Variants in NR5A2 observed in about 807,000 individuals in gnomAD.
NR5A2 encodes nuclear receptor subfamily 5 group A member 2.
In NR5A2, 26 loss-of-function variants were observed where a neutral mutation model predicts 62.7. The ratio of observed to expected loss-of-function variants is 0.41; its 90% confidence interval spans 0.30 to 0.58. The LOEUF is 0.58. Among genes scored for constraint, NR5A2 ranks in the 20% least tolerant of loss-of-function variants. The pLI is 0.22. For missense variants in NR5A2, 541 were observed against 669.1 expected, an observed-to-expected ratio of 0.81 and a Z score of 2.11; for synonymous variants, 246 against 241.7, an observed-to-expected ratio of 1.02 and a Z score of -0.16.
At chr1:200,106,064 C>CT (rs11411913) in intron 5 of NR5A2, among the ~76,000 whole-genome samples, 56,756 of 147,484 alleles carry the variant, frequency 0.38, 11,265 homozygotes, top group Admixed American at 0.44. Flanking sequence ...ATTCACTCTT[C>CT]TTTTTTTTTT....
At position 200,048,868 on chromosome 1, in the gene NR5A2, A is replaced by G; in HGVS notation, c.1110+50A>G. The G allele has an allele frequency of 6.3e-7, 1 of 1,582,068 alleles. No individual in the cohort carries two copies. The stretch of plus-strand genomic sequence containing the variant: ...ACAGCACCCCTTTTAAGAGAGACCT[A>G]ACTATGTTCCTAATTAATACATTCT... On this transcript the variant is annotated intron_variant, in intron 5 of 7. Coordinates refer to ENST00000367362, the MANE Select transcript of NR5A2 (RefSeq NM_205860.3). The surrounding 1 kb of genome is among the most constrained non-coding windows in gnomAD (Gnocchi z 4.8).
At chr1:200,078,031 G>T (rs146770772) in intron 5 of NR5A2, among the ~76,000 whole-genome samples, 268 of 152,316 alleles carry the variant, frequency 1.8e-3, no homozygotes, top group African/African-American at 5.1e-3. Flanking sequence ...AGGTAAAGAA[G>T]CTAGTTAAAG....
At chr1:200,173,936 C>CTTTTTTTTTTTTTTTT (rs3034024) in intron 7 of NR5A2, 27 bp from the exon 8 acceptor site, 1 of 1,006,502 alleles carries the variant, frequency 9.9e-7, no homozygotes, top group African/African-American at 1.9e-5. Context: ...TGAAATGTTG[C>CTTTTTTTTTTTTTTTT]TTTTTTTTTT....
At chr1:200,066,526 C>T (rs1224706260) in intron 5 of NR5A2, among the ~76,000 whole-genome samples, 3 of 151,794 alleles carry the variant, frequency 2.0e-5, no homozygotes, top group Admixed American at 1.3e-4. Flanking sequence ...CAAGCTCTTC[C>T]CAAAGATTTC....
At chr1:200,152,406 A>G (rs1196720373) in intron 7 of NR5A2, among the ~76,000 whole-genome samples, 1 of 152,206 alleles carries the variant, frequency 6.6e-6, no homozygotes, top group Non-Finnish European at 1.5e-5. Context: ...AACTCCAGTT[A>G]TTTTTTATCT....
Position 200,091,225 on chromosome 1 carries a change from G to C in NR5A2, c.1111-19977G>C, listed in dbSNP as rs141573180. 1.3e-3 allele frequency among the ~76,000 whole-genome samples: 201 copies of C among 152,266 alleles called. 2 individuals are homozygous for C. Among genetic ancestry groups the C allele is most frequent in the Non-Finnish European group, 2.0e-3 (138 of 68,016 alleles). On this transcript the variant is annotated intron_variant, in intron 5 of 7. Transcript: ENST00000367362. ...AGGGACTAGACTGACTTTTATAGAA[G>C]AGTGATGCACTCTAACAGTGACTAC...
intron 7 of NR5A2, among the ~76,000 whole-genome samples, chr1:200,163,265 C>CA (rs374872273): frequency 0.14 from 11,923 of 87,688 alleles, 890 homozygotes; most frequent in African/African-American, 0.25. Flanking sequence ...ATGTCAAAGG[C>CA]AAAAAAAAAA....
intron 7 of NR5A2, among the ~76,000 whole-genome samples, chr1:200,150,237 G>A (rs1410992576): frequency 6.6e-6 from 1 of 152,194 alleles, no homozygotes; most frequent in South Asian, 2.1e-4. Context: ...ACCATCTTGT[G>A]TCATCCTTGG....
At chr1:200,166,047 A>T (rs12131233) in intron 7 of NR5A2, among the ~76,000 whole-genome samples, 57,411 of 152,036 alleles carry the variant, frequency 0.38, 13,143 homozygotes, top group African/African-American at 0.66. Flanking sequence ...GTGCCTCTTA[A>T]AAGTGGACTC....
In NR5A2 at chr1:200,096,092, T is replaced by TTTTG. The variant is rs369506434; in HGVS notation, c.1111-15090_1111-15087dup. On this transcript the variant is annotated intron_variant, in intron 5 of 7. Transcript: ENST00000367362. ...ACACCCATACCACAATGCTGCTTTA[T>TTTTG]TTTGTTTGTTTGTTTGTTTGTTTTT... Among the ~76,000 whole-genome samples, 26 of 151,964 alleles carry TTTTG rather than the reference T, an allele frequency of 1.7e-4. No individual in the cohort carries two copies. In the South Asian group the frequency reaches 1.9e-3, roughly 11 times the overall value.
chr1:200,052,925 C>A (rs1040770703), intron 5 of NR5A2, among the ~76,000 whole-genome samples: 1 of 152,194 alleles, frequency 6.6e-6, no homozygotes, highest in East Asian at 1.9e-4. Context: ...TAGGCATGAG[C>A]CACCGCACCC....
intron 7 of NR5A2, among the ~76,000 whole-genome samples, chr1:200,137,781 C>T (rs1256621552): frequency 6.6e-6 from 1 of 152,048 alleles, no homozygotes; most frequent in East Asian, 1.9e-4. Flanking sequence ...GCAATTTCTT[C>T]TAATTTTTTT....
At chr1:200,127,571 G>A (rs2102321337) in intron 7 of NR5A2, among the ~76,000 whole-genome samples, 1 of 147,696 alleles carries the variant, frequency 6.8e-6, no homozygotes, top group African/African-American at 2.5e-5. Context: ...CAGCTATTTT[G>A]GAGGCTGAGG....
intron 5 of NR5A2, among the ~76,000 whole-genome samples, chr1:200,098,106 T>G (rs1665184143): frequency 6.6e-6 from 1 of 152,154 alleles, no homozygotes. Context: ...AGCTATCTAG[T>G]GGGAGTGGGT....
At chr1:200,084,000 TAATAATAAA>T (rs941228102) in intron 5 of NR5A2, among the ~76,000 whole-genome samples, 2 of 142,508 alleles carry the variant, frequency 1.4e-5, no homozygotes, top group Non-Finnish European at 3.1e-5. Flanking sequence ...ATAATAATAA[TAATAATAAA>T]GTACAGTTTA....
chr1:200,060,788 T>C (rs1663165848), intron 5 of NR5A2, among the ~76,000 whole-genome samples: 1 of 151,964 alleles, frequency 6.6e-6, no homozygotes, highest in Non-Finnish European at 1.5e-5. Flanking sequence ...TGGGAAGGAA[T>C]AGCCAAAAGC....
chr1:200,066,009 T>G (rs2102205606), intron 5 of NR5A2, among the ~76,000 whole-genome samples: 1 of 152,226 alleles, frequency 6.6e-6, no homozygotes, highest in African/African-American at 2.4e-5. Context: ...AGGGCTTGGA[T>G]TTTATTGTTT....
At chr1:200,065,075 A>G (rs968151938) in intron 5 of NR5A2, among the ~76,000 whole-genome samples, 8 of 152,036 alleles carry the variant, frequency 5.3e-5, no homozygotes, top group Admixed American at 5.2e-4. Context: ...TTGATCCACC[A>G]TGCCCAGCCT....
At chr1:200,033,055 G>A (rs1661603853) in intron 1 of NR5A2, among the ~76,000 whole-genome samples, 1 of 152,172 alleles carries the variant, frequency 6.6e-6, no homozygotes, top group African/African-American at 2.4e-5. Context: ...CACAGGGAGT[G>A]GTGTATGGAA....
Sources: allele counts gnomAD v4.1 joint callset (sites outside exome capture counted in the v4.1 genomes callset), GRCh38; gene constraint gnomAD v4.1.1; non-coding constraint Gnocchi (gnomAD v3.1); transcripts MANE v1.5; gene names NCBI Gene and HGNC (gene_info 2026-07-23, HGNC 2026-07-21).